The following ADAMTS19 variants were observed in gnomAD, a reference collection of about 807,000 sequenced individuals.
ADAMTS19 encodes the protein ADAM metallopeptidase with thrombospondin type 1 motif 19.
A neutral mutation model predicts 153.3 loss-of-function variants in ADAMTS19; 93 were observed. The observed-to-expected ratio is 0.61, with a 90% CI of 0.51 to 0.72. The LOEUF is 0.72. Ranked by LOEUF, ADAMTS19 falls within the 30% of genes least tolerant of loss-of-function variation. The pLI is 0.00. For synonymous variants in ADAMTS19, 600 were observed against 556.6 expected (o/e 1.08, Z -1.10); for missense variants, 1,482 against 1,552.1 (o/e 0.95, Z 0.76).
chr5:129,540,753 CT>C (rs34694174), intron 6 of ADAMTS19, among the ~76,000 whole-genome samples: 4 of 152,000 alleles, frequency 2.6e-5, no homozygotes, highest in Non-Finnish European at 4.4e-5. Flanking sequence ...TCAGATGCAT[CT>C]TCATTCTTGG....
At chr5:129,569,537 A>G (rs1406322310) in intron 7 of ADAMTS19, among the ~76,000 whole-genome samples, 1 of 152,132 alleles carries the variant, frequency 6.6e-6, no homozygotes, top group Non-Finnish European at 1.5e-5. Context: ...ATGACATGGA[A>G]ATTTTTCCAA....
chr5:129,554,404 T>C (rs966995871), intron 7 of ADAMTS19, among the ~76,000 whole-genome samples: 8 of 152,110 alleles, frequency 5.3e-5, no homozygotes, highest in African/African-American at 1.9e-4. Flanking sequence ...AGTCAGCACA[T>C]GCCATTGCCC....
chr5:129,550,713 C>T (rs1205354593), intron 6 of ADAMTS19, among the ~76,000 whole-genome samples: 1 of 150,836 alleles, frequency 6.6e-6, no homozygotes, highest in African/African-American at 2.4e-5. Flanking sequence ...AATTTTAAGT[C>T]TTTTTTTTAT....
chr5:129,680,623 A>T (rs1434635325), intron 17 of ADAMTS19, among the ~76,000 whole-genome samples: 1 of 152,124 alleles, frequency 6.6e-6, no homozygotes, highest in South Asian at 2.1e-4. Flanking sequence ...TTAGCTGGGC[A>T]TGGTGACGCA....
chr5:129,633,965 C>G (rs1247797554), intron 10 of ADAMTS19, among the ~76,000 whole-genome samples: 1 of 152,020 alleles, frequency 6.6e-6, no homozygotes, highest in Admixed American at 6.6e-5. Flanking sequence ...CAGTTGGCAC[C>G]TAATGTCAGG....
intron 2 of ADAMTS19, among the ~76,000 whole-genome samples, chr5:129,487,760 ATTAGTTTCAGTTTG>A (rs1258486947): frequency 2.6e-5 from 4 of 152,112 alleles, no homozygotes; most frequent in Admixed American, 2.0e-4. Flanking sequence ...TCTATACATA[ATTAGTTTCAGTTTG>A]TCTGTAGGAG....
chr5:129,523,155 G>A (rs1448879073), intron 3 of ADAMTS19, among the ~76,000 whole-genome samples: 2 of 151,962 alleles, frequency 1.3e-5, no homozygotes, highest in Non-Finnish European at 2.9e-5. Context: ...TAGTAGAATA[G>A]GATAGAATAG....
chr5:129,569,684 C>T (rs909728009), intron 7 of ADAMTS19, among the ~76,000 whole-genome samples: 7 of 151,884 alleles, frequency 4.6e-5, no homozygotes, highest in Admixed American at 3.3e-4. Context: ...AAAATGTTCT[C>T]TAAATGTTTG....
intron 11 of ADAMTS19, among the ~76,000 whole-genome samples, chr5:129,647,485 A>G (rs984585063): frequency 6.6e-6 from 1 of 152,114 alleles, no homozygotes; most frequent in African/African-American, 2.4e-5. Flanking sequence ...TTCCCTACCC[A>G]TAATCTTTAC....
At chr5:129,650,107 G>A (rs1753249773) in intron 13 of ADAMTS19, among the ~76,000 whole-genome samples, 1 of 152,130 alleles carries the variant, frequency 6.6e-6, no homozygotes, top group Admixed American at 6.5e-5. Flanking sequence ...GGAGGCAGAG[G>A]TTACAGTGAG....
chr5:129,648,904 C>A lies in ADAMTS19; in HGVS notation c.2110C>A (p.Gln704Lys), dbSNP rs374218219. 2 of 1,613,828 alleles carry A rather than the reference C, an allele frequency of 1.2e-6. No individual in the cohort carries two copies. The highest frequency in any genetic ancestry group is 1.7e-6 in the Non-Finnish European group (2 of 1,179,806). ...GLPGFRDWQC[Q>K]AYSVRTSSPK... ...GCCTGGATTCAGAGACTGGCAATGT[C>A]AGGCTTATAGTGTTAGAACTTCCTC... is the stretch of plus-strand genomic sequence containing the variant. Residue 704 changes from glutamine to lysine, a missense_variant, in exon 13 of 23, where the codon CAG becomes AAG. By Grantham distance (53) the Gln-to-Lys change is moderately conservative. Coordinates refer to ENST00000274487, the MANE Select transcript of ADAMTS19 (RefSeq NM_133638.6).
In ADAMTS19 at chr5:129,665,383, G is replaced by A. The variant is rs1044786289; in HGVS notation, c.2426-116G>A. The A allele has an allele frequency of 2.7e-5, 20 of 754,264 alleles. No homozygotes were observed. In the African/African-American group the frequency reaches 3.6e-4, roughly 14 times the overall value. The allele number at this position is 754,264 out of a possible 1,614,324, so 46.7% of individuals were successfully genotyped here. On this transcript the variant is annotated intron_variant, in intron 15 of 22. Coordinates refer to ENST00000274487, the MANE Select transcript of ADAMTS19 (RefSeq NM_133638.6). ...TATATAAAAATTTTTCTTTACGTAA[G>A]TACTGAAATATCATAGCAATAACCA...
chr5:129,700,287 T>A (rs2127158357), intron 19 of ADAMTS19, among the ~76,000 whole-genome samples: 1 of 152,318 alleles, frequency 6.6e-6, no homozygotes, highest in South Asian at 2.1e-4. Context: ...CCTGAGAGCC[T>A]GTAAAATGGA....
chr5:129,697,132 C>G (rs985736093), intron 19 of ADAMTS19, among the ~76,000 whole-genome samples: 1 of 152,046 alleles, frequency 6.6e-6, no homozygotes, highest in Non-Finnish European at 1.5e-5. Flanking sequence ...ATAGTAGAGT[C>G]AGGTTGGAAT....
chr5:129,588,325 C>T (rs1593167), intron 7 of ADAMTS19, among the ~76,000 whole-genome samples: 273 of 152,140 alleles, frequency 1.8e-3, no homozygotes, highest in African/African-American at 6.4e-3. Context: ...ACCTCTATGA[C>T]GTTGTTCTTT....
rs562937980 is a variant in ADAMTS19, at chr5:129,701,342, T to G, written c.2955-46T>G. The G allele has an allele frequency of 1.9e-6, 3 of 1,593,142 alleles. No homozygotes were observed. The Admixed American group carries it at 5.0e-5, about 27-fold the overall frequency. Reference sequence around the variant, plus strand: ...GTGAGAACAGACTAATACAAGTAGATAGGTATCTTTTAACTTGTTTCCAGT... The same window carrying G: ...GTGAGAACAGACTAATACAAGTAGAGAGGTATCTTTTAACTTGTTTCCAGT... On this transcript the variant is annotated intron_variant, in intron 19 of 22. Coordinates refer to ENST00000274487, the MANE Select transcript of ADAMTS19 (RefSeq NM_133638.6).
At chr5:129,557,249 CA>C (rs1226058606) in intron 7 of ADAMTS19, among the ~76,000 whole-genome samples, 2 of 151,978 alleles carry the variant, frequency 1.3e-5, no homozygotes, top group African/African-American at 2.4e-5. Context: ...AGAGATTAGC[CA>C]AAAAGAAGCC....
At chr5:129,699,488 T>C (rs1185358409) in intron 19 of ADAMTS19, among the ~76,000 whole-genome samples, 2 of 151,468 alleles carry the variant, frequency 1.3e-5, no homozygotes, top group Non-Finnish European at 2.9e-5. Context: ...TTATGGATGC[T>C]AACAAAAACA....
chr5:129,565,648 T>C (rs1753679827), intron 7 of ADAMTS19, among the ~76,000 whole-genome samples: 2 of 152,208 alleles, frequency 1.3e-5, no homozygotes, highest in South Asian at 4.1e-4. Flanking sequence ...TAGCCTTTCA[T>C]TATTGTTGCC....
Sources: allele counts gnomAD v4.1 joint callset (sites outside exome capture counted in the v4.1 genomes callset), GRCh38; gene constraint gnomAD v4.1.1; transcripts MANE v1.5; gene names NCBI Gene and HGNC (gene_info 2026-07-23, HGNC 2026-07-21).